Variants in RPTOR observed in about 807,000 individuals in gnomAD.
The protein encoded by RPTOR is regulatory associated protein of MTOR complex 1, also known as regulatory-associated protein of mTOR.
Under a neutral mutation model 169.9 loss-of-function variants are expected in RPTOR, and 21 were observed. The observed-to-expected ratio is 0.12, with a 90% CI of 0.09 to 0.18. The LOEUF (loss-of-function observed/expected upper bound fraction) is 0.18, where lower values mean the gene tolerates loss of function less well. Ranked by LOEUF, RPTOR falls within the 10% of genes least tolerant of loss-of-function variation. The probability of loss-of-function intolerance (pLI) is 1.00; values close to 1 mark genes in which losing one functional copy is unlikely to be tolerated. For missense variants in RPTOR, 1,133 were observed against 1,855.9 expected (o/e 0.61, Z 7.16); for synonymous variants, 732 against 753.2 (o/e 0.97, Z 0.46).
At chr17:80,550,458 C>G (rs2084330969) in intron 1 of RPTOR, among the ~76,000 whole-genome samples, 1 of 152,100 alleles carries the variant, frequency 6.6e-6, no homozygotes, top group Non-Finnish European at 1.5e-5. Context: ...TGGGTGTGCC[C>G]CTCCCTAGCA....
At position 80,753,632 on chromosome 17, in the gene RPTOR, CAAAAAAAAA is replaced by C. The variant is rs35693819; in HGVS notation, c.655-366_655-358del. On this transcript the variant is annotated intron_variant, in intron 5 of 33. Coordinates refer to ENST00000306801, the MANE Select transcript of RPTOR (RefSeq NM_020761.3). The stretch of plus-strand genomic sequence containing the variant: ...TGGGCGACAGAGCGAAACTCCGTCT[CAAAAAAAAA>C]AAAAAAAAAAAGATTGAACGTTTAA... 1.4e-4 allele frequency among the ~76,000 whole-genome samples: 13 copies of C among 94,994 alleles called. 2 individuals carry two copies. The highest frequency in any genetic ancestry group is 2.0e-5 in the Non-Finnish European group (1 of 51,166). 62.3% of individuals were successfully genotyped at this position (94,994 alleles called of 152,430 possible).
At chr17:80,903,444 CCCCAGGCCTG>C (rs1175910239) in intron 20 of RPTOR, among the ~76,000 whole-genome samples, 2 of 152,374 alleles carry the variant, frequency 1.3e-5, no homozygotes, top group East Asian at 3.9e-4. Flanking sequence ...GGCCCCTGCA[CCCCAGGCCTG>C]CCCAGGCCTC....
rs1598342590 is a variant in RPTOR, at chr17:80,838,094, ACT to A, written c.1212+101_1212+102del. ...CCCCAGACTGGGGGTGGTGCCCAGG[ACT>A]CTCGGGTGTCAGATTTTGTTCACCT... On this transcript the variant is annotated intron_variant, in intron 10 of 33. Coordinates refer to ENST00000306801, the MANE Select transcript of RPTOR (RefSeq NM_020761.3). The A allele has an allele frequency of 1.5e-5, 15 of 970,490 alleles. No individual in the cohort carries two copies. The East Asian group carries it at 4.0e-4, about 26-fold the overall frequency. 60.1% of individuals were successfully genotyped at this position (970,490 alleles called of 1,614,324 possible).
Position 80,878,249 on chromosome 17 carries a change from C to G in RPTOR, c.1510-2166C>G, listed in dbSNP as rs1015233658. On this transcript the variant is annotated intron_variant, in intron 13 of 33. Coordinates refer to ENST00000306801, the MANE Select transcript of RPTOR (RefSeq NM_020761.3). This position sits in a 1 kb window ranked among gnomAD's most constrained non-coding sequence, Gnocchi z 4.1. ...TCCTAGAAACCCATGCTCTGTGGGTCCCTCTCCAAGAAACACAGCATCCAT... is the reference window on the plus strand; with the variant it reads ...TCCTAGAAACCCATGCTCTGTGGGTGCCTCTCCAAGAAACACAGCATCCAT... 6.6e-6 allele frequency among the ~76,000 whole-genome samples: 1 copy of G among 152,202 alleles called. No individual in the cohort carries two copies. The highest frequency in any genetic ancestry group is 2.4e-5 in the African/African-American group (1 of 41,444).
chr17:80,932,164 T>TATATATAC (rs960397789), intron 24 of RPTOR, among the ~76,000 whole-genome samples: 15 of 151,246 alleles, frequency 9.9e-5, no homozygotes, highest in South Asian at 4.2e-4. Flanking sequence ...TATATATATA[T>TATATATAC]ACACCTTAGT....
At chr17:80,678,074 C>G (rs1438805953) in intron 3 of RPTOR, among the ~76,000 whole-genome samples, 1 of 152,178 alleles carries the variant, frequency 6.6e-6, no homozygotes. Flanking sequence ...ACAATATACT[C>G]CAACTTGAAA....
At chr17:80,657,718 T>G (rs2065690730) in intron 3 of RPTOR, among the ~76,000 whole-genome samples, 1 of 152,198 alleles carries the variant, frequency 6.6e-6, no homozygotes, top group Non-Finnish European at 1.5e-5. Flanking sequence ...GCTGACTTAC[T>G]GGGGCATTTA....
intron 3 of RPTOR, among the ~76,000 whole-genome samples, chr17:80,653,761 C>T (rs748101393): frequency 6.6e-6 from 1 of 152,214 alleles, no homozygotes; most frequent in Non-Finnish European, 1.5e-5. Flanking sequence ...TGTGTGAGGG[C>T]TGGGTCCTTC....
chr17:80,895,571 A>C (rs1727018853), intron 20 of RPTOR, among the ~76,000 whole-genome samples: 1 of 152,208 alleles, frequency 6.6e-6, no homozygotes, highest in Non-Finnish European at 1.5e-5. Context: ...AATACACATA[A>C]ACGGGCACGT....
At position 80,679,143 on chromosome 17, in the gene RPTOR, T is replaced by C. The variant is rs916140083; in HGVS notation, c.349-28698T>C. On this transcript the variant is annotated intron_variant, in intron 3 of 33. Transcript: ENST00000306801. ...CTGTAATCCCAGCTACTCGGGAGGCTGAGGCAGGAGAATTGCCTGAACTCG... is the reference window on the plus strand; with the variant it reads ...CTGTAATCCCAGCTACTCGGGAGGCCGAGGCAGGAGAATTGCCTGAACTCG... 3.9e-5 allele frequency among the ~76,000 whole-genome samples: 6 copies of C among 152,248 alleles called. No homozygotes were observed. In the East Asian group the frequency reaches 1.2e-3, roughly 29 times the overall value.
chr17:80,852,240 G>A (rs557839838), intron 11 of RPTOR, among the ~76,000 whole-genome samples: 68 of 152,290 alleles, frequency 4.5e-4, no homozygotes, highest in Middle Eastern at 3.4e-3. Context: ...TGTTGTCTCC[G>A]TTTTTCTTGA....
At chr17:80,728,372 TTAAG>T (rs897668988) in intron 4 of RPTOR, among the ~76,000 whole-genome samples, 66 of 152,212 alleles carry the variant, frequency 4.3e-4, no homozygotes, top group African/African-American at 1.5e-3. Flanking sequence ...ACTTGCTTAA[TTAAG>T]GCCTTTCATA....
At chr17:80,596,315 T>C (rs1237957762) in intron 1 of RPTOR, among the ~76,000 whole-genome samples, 1 of 152,264 alleles carries the variant, frequency 6.6e-6, no homozygotes, top group Non-Finnish European at 1.5e-5. Flanking sequence ...AAAAGAACTG[T>C]GTTTATCTTT....
chr17:80,736,287 T>C (rs930266925), intron 5 of RPTOR, among the ~76,000 whole-genome samples: 2 of 152,078 alleles, frequency 1.3e-5, no homozygotes, highest in Non-Finnish European at 2.9e-5. Flanking sequence ...GTTTGTGTGG[T>C]GTCTCTAAAC....
intron 1 of RPTOR, among the ~76,000 whole-genome samples, chr17:80,582,766 G>C (rs190988405): frequency 6.6e-6 from 1 of 151,268 alleles, no homozygotes; most frequent in Non-Finnish European, 1.5e-5. Context: ...GGATGGTCTC[G>C]ATCTCTTGAC....
chr17:80,712,060 T>C (rs2066198407), intron 4 of RPTOR, among the ~76,000 whole-genome samples: 1 of 152,158 alleles, frequency 6.6e-6, no homozygotes, highest in African/African-American at 2.4e-5. Context: ...TTTAAAATAA[T>C]AGACATCATT....
intron 13 of RPTOR, among the ~76,000 whole-genome samples, chr17:80,863,787 G>A (rs961719202): frequency 1.1e-4 from 16 of 152,198 alleles, no homozygotes; most frequent in Non-Finnish European, 1.6e-4. Flanking sequence ...ATGCATGTTG[G>A]CGCGTGCCTG....
chr17:80,655,539 A>T (rs146688070), intron 3 of RPTOR, among the ~76,000 whole-genome samples: 78 of 151,566 alleles, frequency 5.1e-4, no homozygotes, highest in African/African-American at 1.7e-3. Flanking sequence ...AGTAGCTGGG[A>T]CTACAGATGT....
rs1234635792 is a variant in RPTOR at position 80,820,491 on chromosome 17, T to A, written c.891-1710T>A. Among the ~76,000 whole-genome samples, 1 of 151,940 alleles carries A rather than the reference T, an allele frequency of 6.6e-6. No individual in the cohort carries two copies. The highest frequency in any genetic ancestry group is 1.5e-5 in the Non-Finnish European group (1 of 67,984). Reference sequence around the variant, plus strand: ...GAGATGAGCAACCTGGTAAAATGAGTTCCTGGATTGTTTGCTTGCATTTCA... The same window carrying A: ...GAGATGAGCAACCTGGTAAAATGAGATCCTGGATTGTTTGCTTGCATTTCA... On this transcript the variant is annotated intron_variant, in intron 7 of 33. Coordinates refer to ENST00000306801, the MANE Select transcript of RPTOR (RefSeq NM_020761.3). The surrounding 1 kb of genome is among the most constrained non-coding windows in gnomAD (Gnocchi z 4.1).
Sources: gnomAD v4.1 joint callset for allele counts (sites outside exome capture counted in the v4.1 genomes callset) on GRCh38, gnomAD v4.1.1 for gene constraint, Gnocchi (gnomAD v3.1) non-coding constraint, MANE v1.5 for transcripts, NCBI Gene and HGNC (gene_info 2026-07-23, HGNC 2026-07-21) for gene names.